Variants in HS3ST5 observed in about 807,000 individuals in gnomAD.
HS3ST5 encodes heparan sulfate glucosamine 3-O-sulfotransferase 5.
A neutral mutation model predicts 25.4 loss-of-function variants in HS3ST5; 10 were observed. That is an observed-to-expected ratio of 0.39 (90% CI 0.24 to 0.67). The LOEUF is 0.67. Ranked by LOEUF, HS3ST5 falls within the 30% of genes least tolerant of loss-of-function variation. The pLI is 0.44. For synonymous variants in HS3ST5, 170 were observed against 162.4 expected (o/e 1.05, Z -0.36); for missense variants, 324 against 420.7 (o/e 0.77, Z 2.01).
intron 3 of HS3ST5, among the ~76,000 whole-genome samples, chr6:114,148,056 C>G (rs1356701998): frequency 6.6e-6 from 1 of 152,130 alleles, no homozygotes; most frequent in Non-Finnish European, 1.5e-5. Context: ...ACCATAAGAT[C>G]ATTTTTCTAG....
At chr6:114,269,537 A>C (rs1215988285) in intron 1 of HS3ST5, among the ~76,000 whole-genome samples, 1 of 152,318 alleles carries the variant, frequency 6.6e-6, no homozygotes, top group East Asian at 1.9e-4. Context: ...CACTCAGTGT[A>C]TTTAGAAAAC....
intron 3 of HS3ST5, among the ~76,000 whole-genome samples, chr6:114,101,126 A>G (rs1170755655): frequency 6.6e-6 from 1 of 152,188 alleles, no homozygotes; most frequent in African/African-American, 2.4e-5. Flanking sequence ...GGCAGTCTCG[A>G]TTAAATGTAA....
At chr6:114,095,143 C>A (rs1281250679) in intron 3 of HS3ST5, among the ~76,000 whole-genome samples, 1 of 152,190 alleles carries the variant, frequency 6.6e-6, no homozygotes, top group Non-Finnish European at 1.5e-5. Context: ...AAGCTGCTAA[C>A]TTCGTGAGAA....
intron 1 of HS3ST5, among the ~76,000 whole-genome samples, chr6:114,322,753 C>T (rs953668148): frequency 6.6e-5 from 10 of 152,144 alleles, no homozygotes; most frequent in Non-Finnish European, 1.5e-5. Flanking sequence ...CACTTACCCA[C>T]ATAAAAGACT....
At chr6:114,085,799 T>C (rs1774767806) in intron 3 of HS3ST5, among the ~76,000 whole-genome samples, 1 of 152,202 alleles carries the variant, frequency 6.6e-6, no homozygotes, top group Admixed American at 6.5e-5. Flanking sequence ...ATATTTTAAA[T>C]ATTTCATCAT....
chr6:114,210,666 C>A (rs941129871), intron 2 of HS3ST5, among the ~76,000 whole-genome samples: 1 of 152,176 alleles, frequency 6.6e-6, no homozygotes, highest in Non-Finnish European at 1.5e-5. Flanking sequence ...AAGGACAAGG[C>A]GCTCTGTTCC....
At chr6:114,275,523 G>A (rs1370570623) in intron 1 of HS3ST5, among the ~76,000 whole-genome samples, 1 of 152,028 alleles carries the variant, frequency 6.6e-6, no homozygotes, top group Non-Finnish European at 1.5e-5. Flanking sequence ...GGGAGTACAT[G>A]ATGACCAGGT....
intron 2 of HS3ST5, among the ~76,000 whole-genome samples, chr6:114,180,109 C>T (rs574340343): frequency 1.4e-4 from 22 of 152,144 alleles, no homozygotes; most frequent in Non-Finnish European, 2.6e-4. Context: ...TCTCAGTCCA[C>T]TGACTCAAAT....
At chr6:114,202,106 C>G (rs747953189) in intron 2 of HS3ST5, among the ~76,000 whole-genome samples, 1 of 151,966 alleles carries the variant, frequency 6.6e-6, no homozygotes, top group Non-Finnish European at 1.5e-5. Context: ...AAACTGCAAC[C>G]TCTACAAAAA....
At chr6:114,065,417 C>A (rs1773393603) in intron 3 of HS3ST5, among the ~76,000 whole-genome samples, 1 of 152,208 alleles carries the variant, frequency 6.6e-6, no homozygotes, top group Non-Finnish European at 1.5e-5. Context: ...CAGCAAGTTG[C>A]AGAACAGGGT....
rs557498561 is a variant in HS3ST5 at position 114,072,684 on chromosome 6, G to A, written c.-32-9807C>T. 4.6e-5 allele frequency among the ~76,000 whole-genome samples: 7 copies of A among 152,166 alleles called. No homozygotes were observed. The South Asian group carries it at 1.5e-3, about 32-fold the overall frequency. On this transcript the variant is annotated intron_variant, in intron 3 of 4. Coordinates refer to ENST00000312719, the MANE Select transcript of HS3ST5 (RefSeq NM_153612.4). ...TTAAAATTGGCCATGAAGAGGATAG[G>A]AAGAATCAATATCGTGAAAATGGCC...
intron 2 of HS3ST5, among the ~76,000 whole-genome samples, chr6:114,227,495 T>A (rs1040344359): frequency 1.3e-5 from 2 of 151,994 alleles, no homozygotes; most frequent in Non-Finnish European, 2.9e-5. Context: ...AAAAACCTTT[T>A]GTAAACTTAA....
intron 2 of HS3ST5, among the ~76,000 whole-genome samples, chr6:114,217,015 G>T (rs1218751649): frequency 6.6e-6 from 1 of 152,200 alleles, no homozygotes. Context: ...AGTTGAACAT[G>T]ACTCACTTGC....
intron 3 of HS3ST5, among the ~76,000 whole-genome samples, chr6:114,124,726 C>T (rs1310575664): frequency 6.6e-6 from 1 of 151,266 alleles, no homozygotes; most frequent in African/African-American, 2.4e-5. Context: ...CATTATTATC[C>T]TGCTTTCTTG....
chr6:114,285,724 G>C (rs1774309586), intron 1 of HS3ST5, among the ~76,000 whole-genome samples: 1 of 151,926 alleles, frequency 6.6e-6, no homozygotes, highest in Non-Finnish European at 1.5e-5. Flanking sequence ...TGCATGGAGG[G>C]CTTAATACCT....
intron 1 of HS3ST5, among the ~76,000 whole-genome samples, chr6:114,301,775 T>C (rs1162141744): frequency 2.0e-5 from 3 of 152,064 alleles, no homozygotes; most frequent in South Asian, 2.1e-4. Context: ...TGGGGTTCTC[T>C]TCAGAATGGG....
intron 1 of HS3ST5, among the ~76,000 whole-genome samples, chr6:114,275,207 G>A (rs1017156472): frequency 6.6e-6 from 1 of 151,902 alleles, no homozygotes; most frequent in African/African-American, 2.4e-5. Context: ...GTCTGAGAAT[G>A]TGTCAGAGTC....
intron 3 of HS3ST5, among the ~76,000 whole-genome samples, chr6:114,148,731 A>T (rs576221827): frequency 6.6e-6 from 1 of 152,312 alleles, no homozygotes; most frequent in African/African-American, 2.4e-5. Flanking sequence ...AAAAGCCATA[A>T]TTGACAAATA....
At chr6:114,240,009 T>TACACACAC (rs149926688) in intron 1 of HS3ST5, among the ~76,000 whole-genome samples, 3,824 of 148,962 alleles carry the variant, frequency 0.026, 107 homozygotes, top group African/African-American at 0.067. Flanking sequence ...AGCACACACA[T>TACACACAC]ACACACACAC....
Sources: allele counts gnomAD v4.1 joint callset (sites outside exome capture counted in the v4.1 genomes callset), GRCh38; gene constraint gnomAD v4.1.1; transcripts MANE v1.5; gene names NCBI Gene and HGNC (gene_info 2026-07-23, HGNC 2026-07-21).